Variants in ZDHHC7 observed in about 807,000 individuals in gnomAD.
ZDHHC7 encodes the protein palmitoyltransferase ZDHHC7.
ZDHHC7 carries 12 observed loss-of-function variants against 34.1 expected under a neutral mutation model. That is an observed-to-expected ratio of 0.35 (90% CI 0.23 to 0.57). The LOEUF is 0.57. Ranked by LOEUF, ZDHHC7 falls within the 20% of genes least tolerant of loss-of-function variation. ZDHHC7 has a pLI of 0.84. For synonymous variants in ZDHHC7, 185 were observed against 155.4 expected (o/e 1.19, Z -1.42); for missense variants, 388 against 402.7 (o/e 0.96, Z 0.31).
intron 3 of ZDHHC7, among the ~76,000 whole-genome samples, chr16:84,987,386 G>C (rs914182083): frequency 3.3e-5 from 5 of 152,098 alleles, no homozygotes; most frequent in African/African-American, 1.2e-4. Flanking sequence ...ATGTGTTGAA[G>C]ATGTGGACAC....
chr16:84,975,684 A>G lies in ZDHHC7; in HGVS notation c.*659T>C, dbSNP rs1312774038. ...GCTGTACACAGCCGGTAAATGTTACATTGCCTAAACAACACTGGCAATTTT... is the reference window on the plus strand; with the variant it reads ...GCTGTACACAGCCGGTAAATGTTACGTTGCCTAAACAACACTGGCAATTTT... On this transcript the variant is annotated 3_prime_UTR_variant, in exon 8 of 8. Transcript: ENST00000313732. 3.3e-5 allele frequency: 5 copies of G among 152,692 alleles called. No homozygotes were observed. Among genetic ancestry groups the G allele is most frequent in the African/African-American group, 1.2e-4 (5 of 41,458 alleles). The allele number at this position is 152,692 out of a possible 1,614,324, so 9.5% of individuals were successfully genotyped here. A position where few individuals can be genotyped will look rare whatever the true frequency, so the allele number is the denominator to read the frequency against.
chr16:84,977,770 G>A (rs1043739048), intron 6 of ZDHHC7, among the ~76,000 whole-genome samples, 154 bp downstream of exon 6: 2 of 152,242 alleles, frequency 1.3e-5, no homozygotes, highest in Admixed American at 6.5e-5. Context: ...AAATGGTGGT[G>A]TTAAAACTTA....
chr16:84,974,833 C>T lies in ZDHHC7; in HGVS notation c.*1510G>A, dbSNP rs968411581. On this transcript the variant is annotated 3_prime_UTR_variant, in exon 8 of 8. Transcript: ENST00000313732. ...TTTGCTCGCTTGGCTAGGACGGTGG[C>T]TCAGGTAGGTCCCTTTGTGGTTTTG... 7.2e-5 allele frequency: 11 copies of T among 152,686 alleles called. No homozygotes were observed. The highest frequency in any genetic ancestry group is 1.2e-4 in the Non-Finnish European group (8 of 68,110). 9.5% of individuals were successfully genotyped at this position (152,686 alleles called of 1,614,324 possible). A position where few individuals can be genotyped will look rare whatever the true frequency, so the allele number is the denominator to read the frequency against.
At position 84,978,290 on chromosome 16, in the gene ZDHHC7, T is replaced by A. The variant is rs8046147; in HGVS notation, c.538-285A>T. Among the ~76,000 whole-genome samples the A allele has an allele frequency of 3.1e-3, 477 of 152,296 alleles. 2 individuals carry two copies. Among genetic ancestry groups the A allele is most frequent in the African/African-American group, 0.011 (451 of 41,584 alleles). ...TCTAGTGATCCACCCAGCCAGTTAGTAACTTAAACAAGTCTTTCTAAGAGC... is the reference window on the plus strand; with the variant it reads ...TCTAGTGATCCACCCAGCCAGTTAGAAACTTAAACAAGTCTTTCTAAGAGC... On this transcript the variant is annotated intron_variant, in intron 5 of 7. Coordinates refer to ENST00000313732, the MANE Select transcript of ZDHHC7 (RefSeq NM_017740.3).
intron 1 of ZDHHC7, among the ~76,000 whole-genome samples, chr16:85,001,623 A>G (rs180931338): frequency 5.3e-5 from 8 of 152,300 alleles, no homozygotes; most frequent in African/African-American, 1.9e-4. Context: ...ATATCTACAG[A>G]TATGTATACA....
chr16:85,026,626 G>A, the ZDHHC7 span, among the ~76,000 whole-genome samples: 1 of 150,764 alleles, frequency 6.6e-6, no homozygotes, highest in South Asian at 2.1e-4. Context: ...TGGGGTGTGG[G>A]ACAGGTACTT....
At chr16:84,994,851 C>T (rs1183528863) in intron 2 of ZDHHC7, among the ~76,000 whole-genome samples, 2 of 152,162 alleles carry the variant, frequency 1.3e-5, no homozygotes, top group East Asian at 3.8e-4. Context: ...AAGCAACAAA[C>T]GAATATAGCA....
In ZDHHC7 at chr16:84,977,882, C is replaced by A. The variant is rs1285504362; in HGVS notation, c.619+42G>T. 7 of 1,508,120 alleles carry A rather than the reference C, an allele frequency of 4.6e-6. No individual in the cohort carries two copies. In the African/African-American group the frequency reaches 5.6e-5, roughly 12 times the overall value. 93.4% of individuals were successfully genotyped at this position (1,508,120 alleles called of 1,614,324 possible). On this transcript the variant is annotated intron_variant, in intron 6 of 7. Transcript: ENST00000313732. Reference sequence around the variant, plus strand: ...AAAGCTTTCCCCTTTCATCCAATAACAGCATGCAAAGCCAGGAATGACACA... The same window carrying A: ...AAAGCTTTCCCCTTTCATCCAATAAAAGCATGCAAAGCCAGGAATGACACA...
chr16:85,004,194 A>C (rs773558679), intron 1 of ZDHHC7, among the ~76,000 whole-genome samples: 129 of 150,392 alleles, frequency 8.6e-4, no homozygotes, highest in Non-Finnish European at 1.6e-3. Flanking sequence ...CACCACACCC[A>C]AAAAAAAAGG....
upstream of ZDHHC7, among the ~76,000 whole-genome samples, chr16:85,012,557 C>G (rs2072808282): frequency 6.6e-6 from 1 of 151,898 alleles, no homozygotes; most frequent in South Asian, 2.1e-4. Flanking sequence ...GACGAGATAA[C>G]CCAGAAGGGT....
At chr16:84,988,127 C>T (rs917101191) in intron 3 of ZDHHC7, among the ~76,000 whole-genome samples, 2 of 152,026 alleles carry the variant, frequency 1.3e-5, no homozygotes, top group Non-Finnish European at 2.9e-5. Context: ...GCCAAGATCG[C>T]GCCACTGCAC....
intron 4 of ZDHHC7, among the ~76,000 whole-genome samples, chr16:84,981,124 T>G (rs1026690742): frequency 5.9e-5 from 9 of 152,072 alleles, no homozygotes; most frequent in African/African-American, 2.2e-4. Context: ...CACCCAGACA[T>G]TCACACTTCA....
chr16:85,013,972 G>A (rs1266816436), upstream of ZDHHC7, among the ~76,000 whole-genome samples: 1 of 152,174 alleles, frequency 6.6e-6, no homozygotes, highest in Non-Finnish European at 1.5e-5. Flanking sequence ...ACAGGTGTGA[G>A]CCACTGCACT....
At chr16:85,009,230 G>T (rs2072757250) in intron 1 of ZDHHC7, among the ~76,000 whole-genome samples, 1 of 151,922 alleles carries the variant, frequency 6.6e-6, no homozygotes, top group South Asian at 2.1e-4. Flanking sequence ...AACAAAGATT[G>T]TATTATTTAT....
chr16:84,982,086 C>T, intron 3 of ZDHHC7, 92 bp from the exon 4 acceptor site: 4 of 1,531,584 alleles, frequency 2.6e-6, no homozygotes, highest in Non-Finnish European at 3.6e-6. Context: ...AATCCCAGCA[C>T]TTTGGGAGGC....
intron 1 of ZDHHC7, among the ~76,000 whole-genome samples, chr16:85,004,295 C>T (rs188113309): frequency 1.5e-4 from 23 of 152,122 alleles, no homozygotes; most frequent in African/African-American, 2.9e-4. Context: ...ACCCCAAATC[C>T]GACCACTTCT....
intron 2 of ZDHHC7, among the ~76,000 whole-genome samples, chr16:84,995,572 G>C (rs973287416): frequency 1.3e-5 from 2 of 152,110 alleles, no homozygotes; most frequent in Non-Finnish European, 2.9e-5. Context: ...GTCGCAGAGA[G>C]CCAAGATCAC....
chr16:84,993,448 A>G (rs2143661650), intron 2 of ZDHHC7, among the ~76,000 whole-genome samples: 1 of 152,066 alleles, frequency 6.6e-6, no homozygotes, highest in East Asian at 1.9e-4. Flanking sequence ...CCTGCGCAAC[A>G]TGGGAAGACC....
chr16:85,012,760 C>T (rs573940858), upstream of ZDHHC7, among the ~76,000 whole-genome samples: 26 of 152,020 alleles, frequency 1.7e-4, no homozygotes, highest in Admixed American at 1.2e-3. Context: ...CAAAAATTAG[C>T]CGGGTGCAGT....
Sources: allele counts gnomAD v4.1 joint callset (sites outside exome capture counted in the v4.1 genomes callset), GRCh38; gene constraint gnomAD v4.1.1; transcripts MANE v1.5; gene names NCBI Gene and HGNC (gene_info 2026-07-23, HGNC 2026-07-21).